CEP170: variants seen among roughly 807,000 people sequenced by gnomAD.
The protein encoded by CEP170 is centrosomal protein of 170 kDa.
In CEP170, 21 loss-of-function variants were observed where a neutral mutation model predicts 151.9. The ratio of observed to expected loss-of-function variants is 0.14; its 90% CI spans 0.10 to 0.20. The LOEUF is 0.20. Among genes scored for constraint, CEP170 ranks in the 10% least tolerant of loss-of-function variants. CEP170 has a pLI of 1.00. For missense variants in CEP170, 964 were observed against 1,892.9 expected (o/e 0.51, Z 9.11); for synonymous variants, 356 against 648.8 (o/e 0.55, Z 6.86).
intron 10 of CEP170, among the ~76,000 whole-genome samples, chr1:243,179,611 G>T (rs1342274443): frequency 6.6e-6 from 1 of 152,050 alleles, no homozygotes; most frequent in Admixed American, 6.6e-5. Context: ...CTTTGTGGGG[G>T]CATGGTTGGA....
intron 13 of CEP170, among the ~76,000 whole-genome samples, chr1:243,159,789 G>GTGTGTGTGTGTGTGTGTGTGTGTA: frequency 6.6e-6 from 1 of 151,100 alleles, no homozygotes; most frequent in Admixed American, 6.6e-5. Flanking sequence ...GTGTGTGTGT[G>GTGTGTGTGTGTGTGTGTGTGTGTA]TGTGTGTGTG....
intron 1 of CEP170, among the ~76,000 whole-genome samples, chr1:243,250,307 G>C (rs1411347559): frequency 1.2e-4 from 18 of 152,280 alleles, no homozygotes. Flanking sequence ...AAGCCAGGAA[G>C]GAAAGCTAAT....
intron 4 of CEP170, among the ~76,000 whole-genome samples, chr1:243,202,205 A>G (rs1315411114): frequency 6.6e-6 from 1 of 152,172 alleles, no homozygotes; most frequent in Non-Finnish European, 1.5e-5. Flanking sequence ...GGAATCAAAA[A>G]CCCAAATACC....
chr1:243,178,749 T>C (rs1367477085), intron 10 of CEP170, among the ~76,000 whole-genome samples: 1 of 151,906 alleles, frequency 6.6e-6, no homozygotes, highest in African/African-American at 2.4e-5. Flanking sequence ...AGATGGGTCT[T>C]GCTCTGTCAC....
At chr1:243,238,996 T>A (rs1401174079) in intron 1 of CEP170, among the ~76,000 whole-genome samples, 1 of 152,218 alleles carries the variant, frequency 6.6e-6, no homozygotes, top group African/African-American at 2.4e-5. Flanking sequence ...TTTTACGGGG[T>A]TACTTCCCTA....
chr1:243,217,043 T>C (rs925904712), intron 3 of CEP170, among the ~76,000 whole-genome samples: 2 of 152,196 alleles, frequency 1.3e-5, no homozygotes, highest in Non-Finnish European at 2.9e-5. Flanking sequence ...TATAGCCTAC[T>C]ACACACCCAG....
chr1:243,197,799 G>T (rs2060758349), intron 7 of CEP170, among the ~76,000 whole-genome samples: 1 of 151,948 alleles, frequency 6.6e-6, no homozygotes, highest in Admixed American at 6.6e-5. Context: ...TTTAGTCTCA[G>T]GCAGCATTTG....
At chr1:243,144,205 C>A (rs2056204910) in intron 14 of CEP170, among the ~76,000 whole-genome samples, 1 of 152,314 alleles carries the variant, frequency 6.6e-6, no homozygotes, top group East Asian at 1.9e-4. Context: ...ATGATGAGTA[C>A]ATTATAAAGC....
intron 6 of CEP170, 140 bp downstream of exon 6, chr1:243,200,372 AAAGCAC>A: frequency 1.5e-6 from 1 of 678,368 alleles, no homozygotes; most frequent in Non-Finnish European, 2.5e-6. Context: ...TTTCCTAATG[AAAGCAC>A]TGGTAGCATT....
chr1:243,188,302 T>G (rs546441247), intron 8 of CEP170, among the ~76,000 whole-genome samples: 12 of 152,258 alleles, frequency 7.9e-5, no homozygotes, highest in African/African-American at 2.9e-4. Flanking sequence ...AGAATTTAAT[T>G]GATTCCAATA....
intron 3 of CEP170, 71 bp downstream of exon 3, chr1:243,221,653 G>A: frequency 2.8e-6 from 4 of 1,407,148 alleles, no homozygotes; most frequent in Non-Finnish European, 3.9e-6. Context: ...GCTAGGAAAT[G>A]TAATCTGATT....
intron 15 of CEP170, among the ~76,000 whole-genome samples, chr1:243,140,807 G>A (rs1433183379): frequency 1.3e-5 from 2 of 152,196 alleles, no homozygotes; most frequent in Admixed American, 1.3e-4. Context: ...TCAATGAAAT[G>A]TTTAAGTAAT....
chr1:243,129,831 G>GT (rs1311497866), intron 17 of CEP170, among the ~76,000 whole-genome samples: 1 of 151,464 alleles, frequency 6.6e-6, no homozygotes, highest in African/African-American at 2.4e-5. Context: ...AGCATGGTCC[G>GT]TAACTATTAC....
chr1:243,136,954 G>T (rs986587788), intron 16 of CEP170, among the ~76,000 whole-genome samples: 4 of 152,106 alleles, frequency 2.6e-5, no homozygotes, highest in African/African-American at 7.2e-5. Flanking sequence ...CTGAGTGTTG[G>T]TATTACCCCA....
At chr1:243,181,886 T>C (rs895575707) in intron 10 of CEP170, among the ~76,000 whole-genome samples, 14 of 152,190 alleles carry the variant, frequency 9.2e-5, no homozygotes, top group African/African-American at 3.4e-4. Flanking sequence ...GAGATTTTCA[T>C]ACTTTATTTG....
At chr1:243,234,407 T>C (rs1332732734) in intron 1 of CEP170, among the ~76,000 whole-genome samples, 1 of 152,168 alleles carries the variant, frequency 6.6e-6, no homozygotes, top group African/African-American at 2.4e-5. Context: ...GAATAAATCG[T>C]AGGAGAAAGA....
At chr1:243,247,573 C>T (rs576494879) in intron 1 of CEP170, among the ~76,000 whole-genome samples, 7 of 152,222 alleles carry the variant, frequency 4.6e-5, no homozygotes, top group East Asian at 1.9e-4. Context: ...AGGCTGGTCT[C>T]GAACTCCTGA....
At position 243,212,000 on chromosome 1, in the gene CEP170, T is replaced by G. The variant is rs752829158; in HGVS notation, c.196-36A>C. The G allele has an allele frequency of 2.8e-6, 4 of 1,429,556 alleles. 1 individual carries two copies. Among genetic ancestry groups the G allele is most frequent in the Non-Finnish European group, 3.7e-6 (4 of 1,082,644 alleles). 88.6% of individuals were successfully genotyped at this position (1,429,556 alleles called of 1,614,324 possible). On this transcript the variant is annotated intron_variant, in intron 3 of 19. Coordinates refer to ENST00000366542, the MANE Select transcript of CEP170 (RefSeq NM_014812.3). ...ACAAAAAAAGATGTTAGGTTACGTA[T>G]GAGGTATTAATTCTTACATTTCAGA...
chr1:243,199,990 A>G lies in CEP170; in HGVS notation c.496+528T>C, dbSNP rs1003095997. ...CTCTGAATCTGTAGGTTCTGCATCC[A>G]TGGGTTCAATTAGCTGCAGATGAAA... On this transcript the variant is annotated intron_variant, in intron 6 of 19. Coordinates refer to ENST00000366542, the MANE Select transcript of CEP170 (RefSeq NM_014812.3). 1.3e-4 allele frequency among the ~76,000 whole-genome samples: 20 copies of G among 152,012 alleles called. No individual in the cohort carries two copies. In the South Asian group the frequency reaches 1.7e-3, roughly 13 times the overall value.
Sources: gnomAD v4.1 joint callset for allele counts (sites outside exome capture counted in the v4.1 genomes callset) on GRCh38, gnomAD v4.1.1 for gene constraint, MANE v1.5 for transcripts, NCBI Gene and HGNC (gene_info 2026-07-23, HGNC 2026-07-21) for gene names.